MMD2: variants seen among roughly 807,000 people sequenced by gnomAD.
The protein encoded by MMD2 is monocyte to macrophage differentiation associated 2.
A neutral mutation model predicts 33.5 loss-of-function variants in MMD2; 30 were observed. The ratio of observed to expected loss-of-function variants is 0.90; its 90% confidence interval spans 0.67 to 1.22. The LOEUF (loss-of-function observed/expected upper bound fraction) is 1.22, where lower values mean the gene tolerates loss of function less well. Among genes scored for constraint, MMD2 ranks in the 50% most tolerant of loss-of-function variants. The pLI is 0.00. For synonymous variants in MMD2, 129 were observed against 123.0 expected, an observed-to-expected ratio of 1.05 and a Z score of -0.32; for missense variants, 364 against 325.4, an observed-to-expected ratio of 1.12 and a Z score of -0.91.
intron 5 of MMD2, 30 bp downstream of exon 5, chr7:4,911,115 G>T: frequency 5.8e-6 from 9 of 1,538,562 alleles, no homozygotes; most frequent in African/African-American, 2.7e-5. Context: ...AGGGAATCCC[G>T]CCTCCCTGAA....
intron 1 of MMD2, among the ~76,000 whole-genome samples, chr7:4,933,940 C>CTTT (rs71032998): frequency 2.5e-5 from 3 of 119,050 alleles, no homozygotes; most frequent in Non-Finnish European, 3.4e-5. Flanking sequence ...GCCACAATGC[C>CTTT]TTTTTTTTTT....
chr7:4,947,696 T>C (rs1786128043), intron 1 of MMD2, among the ~76,000 whole-genome samples: 1 of 116,954 alleles, frequency 8.6e-6, no homozygotes, highest in Non-Finnish European at 1.7e-5. Flanking sequence ...CCTGGCCTTT[T>C]TTTTTTTTTT....
At chr7:4,918,483 C>CTTTTTTTTTTTTTTTTTTT (rs60393757) in intron 3 of MMD2, among the ~76,000 whole-genome samples, 1 of 131,028 alleles carries the variant, frequency 7.6e-6, no homozygotes, top group Non-Finnish European at 1.6e-5. Context: ...TTCTTTCTTT[C>CTTTTTTTTTTTTTTTTTTT]TTTTTTTTTT....
chr7:4,914,959 T>C (rs1402669290), intron 4 of MMD2, among the ~76,000 whole-genome samples: 1 of 151,804 alleles, frequency 6.6e-6, no homozygotes, highest in African/African-American at 2.4e-5. Flanking sequence ...AAACAAAAAA[T>C]AAAAACAAAA....
intron 1 of MMD2, among the ~76,000 whole-genome samples, chr7:4,942,284 T>TTGGGG (rs1554273046): frequency 1.3e-5 from 2 of 148,944 alleles, no homozygotes; most frequent in African/African-American, 5.1e-5. Context: ...TCTGTAGAGA[T>TTGGGG]GGGGGGGGTC....
chr7:4,948,989 C>G (rs1476119554), intron 1 of MMD2, among the ~76,000 whole-genome samples: 2 of 151,988 alleles, frequency 1.3e-5, no homozygotes, highest in African/African-American at 4.8e-5. Flanking sequence ...TTTTTGTATT[C>G]TTTTGTACAA....
At chr7:4,908,714 T>C (rs569433049) in intron 6 of MMD2, among the ~76,000 whole-genome samples, 6 of 151,612 alleles carry the variant, frequency 4.0e-5, no homozygotes, top group South Asian at 2.1e-4. Flanking sequence ...CTGGCCAACA[T>C]AGTGAAACCC....
intron 1 of MMD2, among the ~76,000 whole-genome samples, chr7:4,945,564 C>A (rs1350332482): frequency 6.6e-6 from 1 of 150,686 alleles, no homozygotes. Flanking sequence ...CCTCACCCAG[C>A]CCTTCCCTCC....
intron 4 of MMD2, among the ~76,000 whole-genome samples, chr7:4,911,853 G>A (rs1283214270): frequency 2.6e-5 from 4 of 151,872 alleles, no homozygotes; most frequent in African/African-American, 9.7e-5. Context: ...TCTCCATGTT[G>A]GCCAAGCTGG....
intron 4 of MMD2, among the ~76,000 whole-genome samples, chr7:4,913,769 C>T (rs1484880844): frequency 1.4e-5 from 2 of 142,450 alleles, no homozygotes; most frequent in Non-Finnish European, 3.0e-5. Context: ...TCAAGCCATT[C>T]TCCTGCCTTA....
At chr7:4,923,270 A>G (rs966301485) in intron 2 of MMD2, among the ~76,000 whole-genome samples, 2 of 151,888 alleles carry the variant, frequency 1.3e-5, no homozygotes, top group Non-Finnish European at 2.9e-5. Context: ...CACCTGGCTA[A>G]TTTTTGTATT....
At chr7:4,897,979 C>G in the MMD2 span, among the ~76,000 whole-genome samples, 1 of 152,154 alleles carries the variant, frequency 6.6e-6, no homozygotes, top group Non-Finnish European at 1.5e-5. Flanking sequence ...CTCAAGTGAT[C>G]CACCCACCTT....
rs186472578 is a variant in MMD2, at chr7:4,915,913, G to A, written c.365+92C>T. On this transcript the variant is annotated intron_variant, in intron 4 of 6. Coordinates refer to ENST00000401401, the MANE Select transcript of MMD2 (RefSeq NM_198403.4). Reference sequence around the variant, plus strand: ...TTTTAACCTAACTCCTTTGTGCCAAGTCAACACATTACCCAGCCAAATAGA... The same window carrying A: ...TTTTAACCTAACTCCTTTGTGCCAAATCAACACATTACCCAGCCAAATAGA... The A allele has an allele frequency of 1.6e-3, 2,163 of 1,333,420 alleles. 9 individuals carry two copies. The highest frequency in any genetic ancestry group is 9.3e-3 in the Middle Eastern group (51 of 5,472). The allele number at this position is 1,333,420 out of a possible 1,614,324, so 82.6% of individuals were successfully genotyped here.
intron 1 of MMD2, among the ~76,000 whole-genome samples, chr7:4,956,161 G>T (rs1786376943): frequency 6.6e-6 from 1 of 152,148 alleles, no homozygotes; most frequent in Non-Finnish European, 1.5e-5. Flanking sequence ...AGTGGCTCAT[G>T]CCTGTAATCC....
rs570906260 is a variant in MMD2 at position 4,920,638 on chromosome 7, C to A, written c.130-307G>T. Among the ~76,000 whole-genome samples the A allele has an allele frequency of 2.4e-3, 330 of 138,880 alleles. 3 individuals carry two copies. The highest frequency in any genetic ancestry group is 8.5e-3 in the African/African-American group (317 of 37,382). The allele number at this position is 138,880 out of a possible 152,430, so 91.1% of individuals were successfully genotyped here. On this transcript the variant is annotated intron_variant, in intron 2 of 6. Coordinates refer to ENST00000401401, the MANE Select transcript of MMD2 (RefSeq NM_198403.4). Reference sequence around the variant, plus strand: ...CCCTTTCCTTTCCTTTTTTTCTTTTCTTTCTCTTTTCCTTTCCTCTTTCTT... The same window carrying A: ...CCCTTTCCTTTCCTTTTTTTCTTTTATTTCTCTTTTCCTTTCCTCTTTCTT...
chr7:4,949,354 T>A (rs1262953786), intron 1 of MMD2, among the ~76,000 whole-genome samples: 2 of 152,044 alleles, frequency 1.3e-5, no homozygotes, highest in Non-Finnish European at 2.9e-5. Context: ...CAGCCTCTGG[T>A]AACCATCCTT....
intron 2 of MMD2, among the ~76,000 whole-genome samples, chr7:4,924,644 T>G (rs1785375286): frequency 1.3e-5 from 2 of 152,176 alleles, no homozygotes; most frequent in African/African-American, 4.8e-5. Flanking sequence ...TCCCAGCATC[T>G]GGGCAGAGGG....
chr7:4,908,896 C>CA (rs765437583), intron 6 of MMD2, among the ~76,000 whole-genome samples: 1,765 of 75,486 alleles, frequency 0.023, 35 homozygotes, highest in African/African-American at 0.06. Context: ...GACTCCATCT[C>CA]AAAAAAAAAA....
rs753009837 is a variant in MMD2 at position 4,916,078 on chromosome 7, T to C, written c.292A>G (p.Met98Val). ...AACATGTGTAGACAGTGTTCCACCA[T>C]CCTAGGGCGGCAGAGAAGCCGGCAG... The part of the protein sequence containing the change: ...TISWKKSHLR[M>V]VEHCLHMFDR... The change falls in exon 4 of 7, where the codon ATG (methionine) becomes GTG (valine). Residue 98 changes from methionine to valine, a missense_variant and splice_region_variant. Coordinates refer to ENST00000401401, the MANE Select transcript of MMD2 (RefSeq NM_198403.4). 5.0e-6 allele frequency: 8 copies of C among 1,613,356 alleles called. No homozygotes were observed. In the African/African-American group the frequency reaches 8.0e-5, roughly 16 times the overall value.
Sources: allele counts gnomAD v4.1 joint callset (sites outside exome capture counted in the v4.1 genomes callset), GRCh38; gene constraint gnomAD v4.1.1; transcripts MANE v1.5; gene names NCBI Gene and HGNC (gene_info 2026-07-23, HGNC 2026-07-21).